Variants in TRPM3 observed in about 807,000 individuals in gnomAD.
The protein encoded by TRPM3 is long transient receptor potential channel 3.
A neutral mutation model predicts 181.2 loss-of-function variants in TRPM3; 77 were observed. The ratio of observed to expected loss-of-function variants is 0.42; its 90% CI spans 0.35 to 0.51. The LOEUF is 0.51. TRPM3 is among the 20% of genes least tolerant of loss of function. The pLI is 0.01. For synonymous variants in TRPM3, 745 were observed against 796.4 expected (o/e 0.94, Z 1.09); for missense variants, 1,759 against 2,196.7 (o/e 0.80, Z 3.98).
chr9:71,269,730 A>T (rs1265631023), intron 1 of TRPM3, among the ~76,000 whole-genome samples: 1 of 152,176 alleles, frequency 6.6e-6, no homozygotes, highest in Non-Finnish European at 1.5e-5. Context: ...GGCCCTTGAA[A>T]CATTTATAAA....
chr9:71,177,609 T>TTAGGTTTTCCTAATACATGAA (rs370440841), intron 1 of TRPM3, among the ~76,000 whole-genome samples: 1 of 152,128 alleles, frequency 6.6e-6, no homozygotes, highest in African/African-American at 2.4e-5. Context: ...AAACAGAATC[T>TTAGGTTTTCCTAATACATGAA]TGAGTCATTC....
intron 1 of TRPM3, among the ~76,000 whole-genome samples, chr9:70,968,818 G>A (rs2097210357): frequency 1.3e-5 from 2 of 152,010 alleles, no homozygotes; most frequent in African/African-American, 4.8e-5. Flanking sequence ...TATGCAGAAA[G>A]CTGAAACTGG....
intron 1 of TRPM3, among the ~76,000 whole-genome samples, chr9:71,296,714 G>A (rs1252227926): frequency 6.6e-6 from 1 of 151,992 alleles, no homozygotes; most frequent in African/African-American, 2.4e-5. Flanking sequence ...AAGGACTATG[G>A]GAAACGACGG....
At chr9:71,052,918 G>A (rs2133199373) in intron 1 of TRPM3, among the ~76,000 whole-genome samples, 1 of 151,968 alleles carries the variant, frequency 6.6e-6, no homozygotes, top group Admixed American at 6.6e-5. Context: ...ATGGCCACTG[G>A]AAGCTATATT....
chr9:71,211,957 C>T (rs948635590), intron 1 of TRPM3, among the ~76,000 whole-genome samples: 68 of 152,136 alleles, frequency 4.5e-4, no homozygotes, highest in Non-Finnish European at 6.5e-4. Context: ...TATAAACTTA[C>T]ATTTGTAAAT....
intron 6 of TRPM3, among the ~76,000 whole-genome samples, chr9:70,817,166 A>G (rs1379101901): frequency 6.6e-6 from 1 of 152,212 alleles, no homozygotes; most frequent in African/African-American, 2.4e-5. Flanking sequence ...TGTCCAGGAT[A>G]AAGACTACAT....
At chr9:70,954,051 T>G (rs1051544985) in intron 1 of TRPM3, among the ~76,000 whole-genome samples, 1 of 152,052 alleles carries the variant, frequency 6.6e-6, no homozygotes, top group Admixed American at 6.6e-5. Flanking sequence ...GAGAAGACAA[T>G]GATTTTTTCA....
intron 1 of TRPM3, among the ~76,000 whole-genome samples, chr9:70,914,230 A>G (rs2096567665): frequency 6.6e-6 from 1 of 152,216 alleles, no homozygotes; most frequent in Non-Finnish European, 1.5e-5. Context: ...ATGTGAGGAC[A>G]CAGCATTTGC....
intron 1 of TRPM3, among the ~76,000 whole-genome samples, chr9:71,297,641 T>C (rs1565436333): frequency 6.6e-6 from 1 of 152,132 alleles, no homozygotes; most frequent in Non-Finnish European, 1.5e-5. Flanking sequence ...CATGATTCAA[T>C]TACCTCCCAC....
intron 8 of TRPM3, among the ~76,000 whole-genome samples, chr9:70,740,430 A>G (rs1316934076): frequency 6.6e-6 from 1 of 152,150 alleles, no homozygotes; most frequent in Admixed American, 6.6e-5. Context: ...AATTCAATGC[A>G]ATTCCCATTG....
intron 1 of TRPM3, among the ~76,000 whole-genome samples, chr9:70,910,132 G>A (rs2096523833): frequency 6.6e-6 from 1 of 152,130 alleles, no homozygotes; most frequent in African/African-American, 2.4e-5. Flanking sequence ...ATTCATAATA[G>A]TCTCAAATTG....
At chr9:70,955,278 G>T (rs1307559013) in intron 1 of TRPM3, among the ~76,000 whole-genome samples, 4 of 152,104 alleles carry the variant, frequency 2.6e-5, no homozygotes, top group East Asian at 3.9e-4. Flanking sequence ...CTTGTTGGAG[G>T]CTGTTTCCAT....
At chr9:71,342,361 C>T (rs945521290) in intron 1 of TRPM3, among the ~76,000 whole-genome samples, 7 of 150,430 alleles carry the variant, frequency 4.7e-5, no homozygotes, top group Middle Eastern at 3.2e-3. Context: ...ATTGCAAAAG[C>T]ATTGAAAACT....
intron 1 of TRPM3, among the ~76,000 whole-genome samples, chr9:71,191,560 G>C (rs915204310): frequency 6.6e-6 from 1 of 151,412 alleles, no homozygotes; most frequent in Non-Finnish European, 1.5e-5. Flanking sequence ...TAAACTTTGA[G>C]TTCTTTACAC....
At chr9:70,803,280 C>T (rs2089737298) in intron 6 of TRPM3, among the ~76,000 whole-genome samples, 1 of 152,018 alleles carries the variant, frequency 6.6e-6, no homozygotes, top group Admixed American at 6.5e-5. Flanking sequence ...CCATTTCATT[C>T]CTTCCTCTTG....
At chr9:71,346,089 TAGC>T (rs1554881187) in intron 1 of TRPM3, among the ~76,000 whole-genome samples, 1 of 152,222 alleles carries the variant, frequency 6.6e-6, no homozygotes, top group Non-Finnish European at 1.5e-5. Flanking sequence ...AGAATATTCA[TAGC>T]AGTTTTACTC....
At chr9:71,432,429 C>A (rs1282909091) in intron 1 of TRPM3, among the ~76,000 whole-genome samples, 1 of 141,100 alleles carries the variant, frequency 7.1e-6, no homozygotes, top group African/African-American at 2.6e-5. Context: ...GAATTAAGCT[C>A]TTGTTTTAGT....
chr9:70,634,476 C>A (rs1045103934), intron 12 of TRPM3, among the ~76,000 whole-genome samples: 1 of 152,156 alleles, frequency 6.6e-6, no homozygotes, highest in Non-Finnish European at 1.5e-5. Flanking sequence ...AATTAAGATG[C>A]ACTGAAAGTA....
chr9:71,417,389 G>A (rs558208876), intron 1 of TRPM3, among the ~76,000 whole-genome samples: 30 of 151,950 alleles, frequency 2.0e-4, no homozygotes, highest in Non-Finnish European at 3.1e-4. Context: ...CCTGATAAAC[G>A]AATGGTATTG....
Sources: gnomAD v4.1 joint callset for allele counts (sites outside exome capture counted in the v4.1 genomes callset) on GRCh38, gnomAD v4.1.1 for gene constraint, MANE v1.5 for transcripts, NCBI Gene and HGNC (gene_info 2026-07-23, HGNC 2026-07-21) for gene names.